ZNF605: variants seen among roughly 807,000 people sequenced by gnomAD.
The protein encoded by ZNF605 is zinc finger protein 605.
ZNF605 carries 9 observed loss-of-function variants against 7.9 expected under a neutral mutation model. The observed-to-expected ratio is 1.14, with a 90% confidence interval of 0.68 to 1.98. The LOEUF (loss-of-function observed/expected upper bound fraction) is 1.98, where lower values mean the gene tolerates loss of function less well. ZNF605 is among the 30% of genes most tolerant of loss of function. The pLI is 0.00. For missense variants in ZNF605, 673 were observed against 762.4 expected, an observed-to-expected ratio of 0.88 and a Z score of 1.38; for synonymous variants, 255 against 260.1, an observed-to-expected ratio of 0.98 and a Z score of 0.19.
intron 1 of ZNF605, among the ~76,000 whole-genome samples, chr12:132,953,384 G>A (rs1264511676): frequency 8.5e-5 from 13 of 152,126 alleles, no homozygotes; most frequent in Admixed American, 2.6e-4. Context: ...TCCACAGACT[G>A]GCACAGTATA....
Position 132,950,465 on chromosome 12 carries a change from ACACACAGACATG to A in ZNF605, c.-285-2207_-285-2196del, listed in dbSNP as rs1593603988. Reference sequence around the variant, plus strand: ...CAGACGTGCACAGACGCACATACAGACACACAGACATGCACACACAGACGCACACGTACAGAC... The same window carrying A: ...CAGACGTGCACAGACGCACATACAGACACACACAGACGCACACGTACAGAC... On this transcript the variant is annotated intron_variant, in intron 1 of 4. Coordinates refer to ENST00000360187, the MANE Select transcript of ZNF605 (RefSeq NM_183238.4). Among the ~76,000 whole-genome samples, 20 of 96,170 alleles carry A rather than the reference ACACACAGACATG, an allele frequency of 2.1e-4. No homozygotes were observed. In the East Asian group the frequency reaches 0.013, roughly 61 times the overall value. The allele number at this position is 96,170 out of a possible 152,430, so 63.1% of individuals were successfully genotyped here.
rs1287946354 is a variant in ZNF605, at chr12:132,941,864, C to T, written c.15+3757G>A. 4.6e-5 allele frequency among the ~76,000 whole-genome samples: 7 copies of T among 152,162 alleles called. No individual in the cohort carries two copies. Among genetic ancestry groups the T allele is most frequent in the African/African-American group, 1.7e-4 (7 of 41,434 alleles). On this transcript the variant is annotated intron_variant, in intron 3 of 4. Transcript: ENST00000360187. The surrounding 1 kb of genome is among the most constrained non-coding windows in gnomAD (Gnocchi z 5.1). ...CACGCGTCCTTCTTCTCCAGGCTGC[C>T]CTCCATCACGCACTCTTCTTCTCCA...
At chr12:132,947,704 T>TC (rs1414817189) in intron 2 of ZNF605, among the ~76,000 whole-genome samples, 2 of 152,146 alleles carry the variant, frequency 1.3e-5, no homozygotes, top group Non-Finnish European at 2.9e-5. Context: ...TAGGTTTATT[T>TC]CCCCAAATAA....
At chr12:132,952,067 A>G (rs1202086238) in intron 1 of ZNF605, among the ~76,000 whole-genome samples, 2 of 152,122 alleles carry the variant, frequency 1.3e-5, no homozygotes, top group Non-Finnish European at 2.9e-5. Context: ...TTCTGAGCAC[A>G]CGGGAAAGAC....
In ZNF605 at chr12:132,925,504, T is replaced by C; in HGVS notation, c.1795A>G (p.Thr599Ala). 1 of 1,614,244 alleles carries C rather than the reference T, an allele frequency of 6.2e-7. No homozygotes were observed. The highest frequency in any genetic ancestry group is 8.5e-7 in the Non-Finnish European group (1 of 1,180,038). ...TGCCTCATAAGGTGTGACTTTCTTG[T>C]GAAAGATTTCCCACATTCACCACAT... Reference protein sequence around the residue: ...YKCGECGKSFTRKSHLMRHQR... With the variant: ...YKCGECGKSFARKSHLMRHQR... Residue 599 changes from threonine to alanine, a missense_variant, in exon 5 of 5, where the codon ACA becomes GCA. Coordinates refer to ENST00000360187, the MANE Select transcript of ZNF605 (RefSeq NM_183238.4).
At position 132,933,257 on chromosome 12, in the gene ZNF605, G is replaced by C; in HGVS notation, c.16-102C>G. 1.5e-6 allele frequency: 2 copies of C among 1,341,246 alleles called. No homozygotes were observed. The highest frequency in any genetic ancestry group is 1.9e-4 in the Middle Eastern group (1 of 5,228). 83.1% of individuals were successfully genotyped at this position (1,341,246 alleles called of 1,614,324 possible). ...GTAGGTGGCCTCTAAGATGGCCCCA[G>C]TGACCTCTGACTCCGGTATTCATGC... On this transcript the variant is annotated intron_variant, in intron 3 of 4. Transcript: ENST00000360187. This position sits in a 1 kb window ranked among gnomAD's most constrained non-coding sequence, Gnocchi z 4.4.
chr12:132,935,598 T>TA lies in ZNF605; in HGVS notation c.16-2444dup, dbSNP rs113451632. On this transcript the variant is annotated intron_variant, in intron 3 of 4. Coordinates refer to ENST00000360187, the MANE Select transcript of ZNF605 (RefSeq NM_183238.4). Reference sequence around the variant, plus strand: ...TAAAAGAGAAACCGGAATGCACACATAAAAAAAAAATCATCCAGGTGCGGT... The same window carrying TA: ...TAAAAGAGAAACCGGAATGCACACATAAAAAAAAAAATCATCCAGGTGCGGT... Among the ~76,000 whole-genome samples, 589 of 148,108 alleles carry TA rather than the reference T, an allele frequency of 4.0e-3. 3 individuals are homozygous for TA. The highest frequency in any genetic ancestry group is 0.013 in the African/African-American group (545 of 40,478).
In ZNF605 at chr12:132,945,718, T is replaced by A; in HGVS notation, c.-83A>T. On this transcript the variant is annotated 5_prime_UTR_variant, in exon 3 of 5. Coordinates refer to ENST00000360187, the MANE Select transcript of ZNF605 (RefSeq NM_183238.4). ...GGAGTGGCCTCTGGTCAGTGGTCTG[T>A]AAACTGAGAATACATCCTTGGTCTT... The A allele has an allele frequency of 6.3e-7, 1 of 1,591,542 alleles. No individual in the cohort carries two copies. Among genetic ancestry groups the A allele is most frequent in the Non-Finnish European group, 8.6e-7 (1 of 1,159,372 alleles).
chr12:132,945,322 A>T, intron 3 of ZNF605: 1 of 1,043,668 alleles, frequency 9.6e-7, no homozygotes, highest in South Asian at 1.3e-5. Flanking sequence ...TTCTTTCCCA[A>T]GTTTATATTT....
Position 132,926,484 on chromosome 12 carries a change from T to C in ZNF605, c.815A>G (p.Gln272Arg). 1 of 1,614,248 alleles carries C rather than the reference T, an allele frequency of 6.2e-7. No individual in the cohort carries two copies. The highest frequency in any genetic ancestry group is 1.1e-5 in the South Asian group (1 of 91,088). Residue 272 changes from glutamine to arginine, a missense_variant, in exon 5 of 5, where the codon CAG (glutamine) becomes CGG (arginine). By Grantham distance (43) the Gln-to-Arg change is conservative. Coordinates refer to ENST00000360187, the MANE Select transcript of ZNF605 (RefSeq NM_183238.4). ...FSRKSQLKRH[Q>R]ITHTIEKPYS... Reference sequence around the variant, plus strand: ...GGGTTTCTCTATTGTGTGCGTTATCTGATGTCTTTTAAGCTGCGACTTCCT... The same window carrying C: ...GGGTTTCTCTATTGTGTGCGTTATCCGATGTCTTTTAAGCTGCGACTTCCT...
At chr12:132,944,387 C>T (rs979008514) in intron 3 of ZNF605, among the ~76,000 whole-genome samples, 22 of 152,166 alleles carry the variant, frequency 1.4e-4, no homozygotes, top group African/African-American at 3.9e-4. Flanking sequence ...AGAATTCCTC[C>T]GAAAGGTGAG....
At chr12:132,943,556 C>T (rs1157882558) in intron 3 of ZNF605, among the ~76,000 whole-genome samples, 1 of 152,052 alleles carries the variant, frequency 6.6e-6, no homozygotes, top group South Asian at 2.1e-4. Flanking sequence ...TACCCAGGCA[C>T]CTGCACTCCA....
intron 4 of ZNF605, among the ~76,000 whole-genome samples, chr12:132,927,549 A>G (rs1271573966): frequency 6.6e-6 from 1 of 151,884 alleles, no homozygotes; most frequent in African/African-American, 2.4e-5. Flanking sequence ...TATTTTTAAT[A>G]GAGACGGGGT....
At chr12:132,938,880 G>A (rs1367560918) in intron 3 of ZNF605, among the ~76,000 whole-genome samples, 24 of 152,156 alleles carry the variant, frequency 1.6e-4, no homozygotes, top group South Asian at 8.3e-4. Flanking sequence ...CCGGGCAATG[G>A]GGGACTTAGC....
intron 1 of ZNF605, among the ~76,000 whole-genome samples, chr12:132,955,334 G>A (rs1218355968): frequency 6.6e-6 from 1 of 152,202 alleles, no homozygotes; most frequent in South Asian, 2.1e-4. Context: ...GTTCTCAGGC[G>A]AGGCTGCGTG....
intron 4 of ZNF605, among the ~76,000 whole-genome samples, chr12:132,928,227 T>C (rs931775730): frequency 2.6e-5 from 4 of 152,226 alleles, no homozygotes; most frequent in Non-Finnish European, 5.9e-5. Flanking sequence ...AAGTAAGGGA[T>C]ATAATGCAGA....
At chr12:132,945,150 G>T in intron 3 of ZNF605, 1 of 464,392 alleles carries the variant, frequency 2.2e-6, no homozygotes, top group Non-Finnish European at 3.9e-6. Context: ...TTTCAGTAGA[G>T]ACGGGGTTTT....
intron 1 of ZNF605, among the ~76,000 whole-genome samples, chr12:132,954,326 C>T (rs1454235241): frequency 2.5e-5 from 3 of 121,232 alleles, no homozygotes; most frequent in South Asian, 2.9e-4. Context: ...TCAGATACTC[C>T]TGCAGATGAG....
intron 1 of ZNF605, among the ~76,000 whole-genome samples, chr12:132,949,149 G>A (rs1461953573): frequency 1.3e-5 from 2 of 152,158 alleles, no homozygotes; most frequent in East Asian, 1.9e-4. Context: ...GGCTCTGAGT[G>A]AGTTGCTCCA....
Sources: gnomAD v4.1 joint callset for allele counts (sites outside exome capture counted in the v4.1 genomes callset) on GRCh38, gnomAD v4.1.1 for gene constraint, Gnocchi (gnomAD v3.1) non-coding constraint, MANE v1.5 for transcripts, NCBI Gene and HGNC (gene_info 2026-07-23, HGNC 2026-07-21) for gene names.